The following NRG2 variants were observed in gnomAD, a reference collection of about 807,000 sequenced individuals.
NRG2 encodes pro-neuregulin-2, membrane-bound isoform.
A neutral mutation model predicts 73.9 loss-of-function variants in NRG2; 27 were observed. The observed-to-expected ratio is 0.37, with a 90% CI of 0.27 to 0.50. NRG2 has a LOEUF of 0.50. NRG2 is among the 20% of genes least tolerant of loss of function. NRG2 has a pLI of 0.96. For synonymous variants in NRG2, 532 were observed against 541.0 expected, an observed-to-expected ratio of 0.98 and a Z score of 0.23; for missense variants, 1,126 against 1,210.1, an observed-to-expected ratio of 0.93 and a Z score of 1.03.
intron 1 of NRG2, among the ~76,000 whole-genome samples, chr5:139,931,362 G>A (rs1290072986): frequency 6.6e-6 from 1 of 152,236 alleles, no homozygotes; most frequent in Non-Finnish European, 1.5e-5. Context: ...AGTTCAGAGA[G>A]TAACAAGATC....
At chr5:140,000,081 T>C (rs1178417090) in intron 1 of NRG2, among the ~76,000 whole-genome samples, 1 of 152,224 alleles carries the variant, frequency 6.6e-6, no homozygotes, top group Non-Finnish European at 1.5e-5. Flanking sequence ...TTGTCTCTTC[T>C]ACACTATGAT....
intron 1 of NRG2, among the ~76,000 whole-genome samples, chr5:139,973,598 A>G (rs1756147877): frequency 6.6e-6 from 1 of 152,192 alleles, no homozygotes; most frequent in Non-Finnish European, 1.5e-5. Flanking sequence ...CTGAGCTCAA[A>G]CAATCCTCCT....
intron 3 of NRG2, among the ~76,000 whole-genome samples, chr5:139,874,140 A>T: frequency 6.6e-6 from 1 of 152,240 alleles, no homozygotes; most frequent in East Asian, 1.9e-4. Context: ...AGATTTCCAC[A>T]CGGAAGAGCT....
At chr5:139,910,088 G>A (rs1765481010) in intron 1 of NRG2, among the ~76,000 whole-genome samples, 1 of 152,180 alleles carries the variant, frequency 6.6e-6, no homozygotes, top group African/African-American at 2.4e-5. Flanking sequence ...TTTTGTTTGG[G>A]CCCAGTTTTG....
intron 1 of NRG2, among the ~76,000 whole-genome samples, chr5:139,951,197 C>T (rs1045072909): frequency 6.6e-6 from 1 of 152,198 alleles, no homozygotes; most frequent in Non-Finnish European, 1.5e-5. Flanking sequence ...TGTGACCTTG[C>T]CAAGTCCCTC....
chr5:139,907,665 T>A (rs1457785089), intron 1 of NRG2, among the ~76,000 whole-genome samples: 1 of 152,118 alleles, frequency 6.6e-6, no homozygotes, highest in African/African-American at 2.4e-5. Flanking sequence ...GCATGGAAAT[T>A]CAAAGGGGGC....
chr5:139,953,843 C>T (rs71581519), intron 1 of NRG2, among the ~76,000 whole-genome samples: 23,177 of 152,108 alleles, frequency 0.15, 1,972 homozygotes, highest in South Asian at 0.25. Context: ...GTGATCCAAG[C>T]CCCCCATCTG....
chr5:139,939,226 TCC>T (rs1753178355), intron 1 of NRG2, among the ~76,000 whole-genome samples: 3 of 146,066 alleles, frequency 2.1e-5, no homozygotes. Flanking sequence ...CTTCCTTCCT[TCC>T]TTCCTTCCTT....
In NRG2 at chr5:139,904,403, A is replaced by T. The variant is rs1765093487; in HGVS notation, c.701-16892T>A. The T allele has an allele frequency of 5.9e-6, 9 of 1,515,300 alleles. No homozygotes were observed. Among genetic ancestry groups the T allele is most frequent in the Non-Finnish European group, 8.1e-6 (9 of 1,112,520 alleles). The allele number at this position is 1,515,300 out of a possible 1,614,324, so 93.9% of individuals were successfully genotyped here. ...CTCCTCCTGGACTCCGACATTCTGC[A>T]CGGGGTCCCAGGCGGTGGGACGGCC... is the stretch of plus-strand genomic sequence containing the variant. On this transcript the variant is annotated intron_variant, in intron 1 of 9. Coordinates refer to ENST00000361474, the MANE Select transcript of NRG2 (RefSeq NM_004883.3). The surrounding 1 kb of genome is among the most constrained non-coding windows in gnomAD (Gnocchi z 6.0).
intron 1 of NRG2, among the ~76,000 whole-genome samples, chr5:140,009,795 A>T (rs1421689447): frequency 2.0e-5 from 3 of 152,268 alleles, no homozygotes; most frequent in African/African-American, 7.2e-5. Context: ...TGAGCTATCA[A>T]CCCATGAAAA....
chr5:139,995,965 A>G (rs1757983582), intron 1 of NRG2, among the ~76,000 whole-genome samples: 1 of 152,214 alleles, frequency 6.6e-6, no homozygotes. Flanking sequence ...ACCATGAGCT[A>G]TGATCACACA....
intron 1 of NRG2, among the ~76,000 whole-genome samples, chr5:139,906,196 C>A (rs376966471): frequency 6.6e-6 from 1 of 152,138 alleles, no homozygotes; most frequent in South Asian, 2.1e-4. Context: ...TTAGTAGAGA[C>A]GGTGTTTCAC....
chr5:140,038,917 G>T (rs1761704890), intron 1 of NRG2, among the ~76,000 whole-genome samples: 1 of 152,194 alleles, frequency 6.6e-6, no homozygotes, highest in South Asian at 2.1e-4. Flanking sequence ...TTTCCAGCTG[G>T]CTGGGGAAGA....
chr5:140,005,336 C>T lies in NRG2; in HGVS notation c.700+37034G>A, dbSNP rs144742651. 4.7e-4 allele frequency among the ~76,000 whole-genome samples: 72 copies of T among 152,290 alleles called. 1 individual carries two copies. In the East Asian group the frequency reaches 8.1e-3, roughly 17 times the overall value. Reference sequence around the variant, plus strand: ...TTCCACTGCCAGAGAAAGGTGGTCACGGACTAGAAGCTGGTGCTTCCCCAT... The same window carrying T: ...TTCCACTGCCAGAGAAAGGTGGTCATGGACTAGAAGCTGGTGCTTCCCCAT... On this transcript the variant is annotated intron_variant, in intron 1 of 9. Transcript: ENST00000361474.
At chr5:139,877,756 G>A (rs1243995441) in intron 3 of NRG2, among the ~76,000 whole-genome samples, 1 of 152,194 alleles carries the variant, frequency 6.6e-6, no homozygotes, top group Non-Finnish European at 1.5e-5. Context: ...AATTTTAGAG[G>A]GAAGGGGGCT....
chr5:139,899,726 T>C (rs951201483), intron 1 of NRG2, among the ~76,000 whole-genome samples: 13 of 152,228 alleles, frequency 8.5e-5, no homozygotes, highest in African/African-American at 2.9e-4. Context: ...AGGAAGTAGA[T>C]ATCTGACCAG....
intron 2 of NRG2, among the ~76,000 whole-genome samples, chr5:139,882,564 G>A (rs922233102): frequency 6.6e-6 from 1 of 152,132 alleles, no homozygotes; most frequent in Non-Finnish European, 1.5e-5. Flanking sequence ...AGCCCTGGAG[G>A]CCCCTCTGAC....
chr5:139,929,144 C>T (rs1752276120), intron 1 of NRG2, among the ~76,000 whole-genome samples: 1 of 152,184 alleles, frequency 6.6e-6, no homozygotes, highest in South Asian at 2.1e-4. Context: ...AGCCCCATGG[C>T]CTGCCACTCA....
intron 1 of NRG2, among the ~76,000 whole-genome samples, chr5:139,905,165 G>C (rs1433770816): frequency 1.3e-5 from 2 of 152,154 alleles, no homozygotes; most frequent in Non-Finnish European, 2.9e-5. Flanking sequence ...GCCGGCACCA[G>C]CTGGCTCCTC....
Sources: gnomAD v4.1 joint callset for allele counts (sites outside exome capture counted in the v4.1 genomes callset) on GRCh38, gnomAD v4.1.1 for gene constraint, Gnocchi (gnomAD v3.1) non-coding constraint, MANE v1.5 for transcripts, NCBI Gene and HGNC (gene_info 2026-07-23, HGNC 2026-07-21) for gene names.